The following TCF12 variants were observed in gnomAD, a reference collection of about 807,000 sequenced individuals.
The protein encoded by TCF12 is transcription factor 12.
In TCF12, 45 loss-of-function variants were observed where a neutral mutation model predicts 86.0. The ratio of observed to expected loss-of-function variants is 0.52; its 90% CI spans 0.41 to 0.67. The LOEUF is 0.67. Among genes scored for constraint, TCF12 ranks in the 30% least tolerant of loss-of-function variants. The pLI is 0.00. For synonymous variants in TCF12, 330 were observed against 299.6 expected (o/e 1.10, Z -1.05); for missense variants, 881 against 859.9 (o/e 1.02, Z -0.31).
intron 3 of TCF12, among the ~76,000 whole-genome samples, chr15:57,057,807 A>G (rs1464196082): frequency 6.6e-6 from 1 of 152,218 alleles, no homozygotes; most frequent in Admixed American, 6.5e-5. Flanking sequence ...GGAGACTATT[A>G]CAGTAATGCA....
chr15:57,172,841 C>G (rs139980047), intron 6 of TCF12, among the ~76,000 whole-genome samples: 2 of 152,022 alleles, frequency 1.3e-5, no homozygotes, highest in African/African-American at 2.4e-5. Context: ...TGACTCATGC[C>G]TGTAACCCCA....
At chr15:57,154,928 T>C (rs745911812) in intron 5 of TCF12, among the ~76,000 whole-genome samples, 4 of 152,166 alleles carry the variant, frequency 2.6e-5, no homozygotes, top group Non-Finnish European at 4.4e-5. Context: ...AAATAATAAC[T>C]AAAATTTAAT....
At chr15:57,033,255 T>C (rs2066312789) in intron 3 of TCF12, among the ~76,000 whole-genome samples, 1 of 152,162 alleles carries the variant, frequency 6.6e-6, no homozygotes, top group Admixed American at 6.5e-5. Context: ...TATATATATA[T>C]TTGAAGAAAT....
chr15:57,172,435 TA>T (rs1429200477), intron 6 of TCF12, among the ~76,000 whole-genome samples: 3 of 152,300 alleles, frequency 2.0e-5, no homozygotes, highest in African/African-American at 7.2e-5. Context: ...CTGAAGAACA[TA>T]AATTCCTTTC....
At chr15:57,016,123 G>A (rs368128878) in intron 3 of TCF12, among the ~76,000 whole-genome samples, 18 of 152,192 alleles carry the variant, frequency 1.2e-4, no homozygotes, top group African/African-American at 4.3e-4. Flanking sequence ...CTAGGATGGA[G>A]TCATCCGGTT....
chr15:57,223,434 C>A (rs2058695275), intron 8 of TCF12, among the ~76,000 whole-genome samples: 1 of 151,956 alleles, frequency 6.6e-6, no homozygotes, highest in Admixed American at 6.6e-5. Flanking sequence ...AGCACAAGGC[C>A]ACTCTTACAA....
chr15:57,123,208 A>G (rs985912734), intron 5 of TCF12, among the ~76,000 whole-genome samples: 5 of 152,228 alleles, frequency 3.3e-5, no homozygotes, highest in Non-Finnish European at 1.5e-5. Context: ...AAATGAAGTG[A>G]ATGAGCATGA....
chr15:57,247,718 A>G (rs2059928016), intron 13 of TCF12: 6 of 735,638 alleles, frequency 8.2e-6, no homozygotes, highest in Non-Finnish European at 1.5e-5. Context: ...CTCTATAGAA[A>G]GAGCTCTCTT....
intron 18 of TCF12, among the ~76,000 whole-genome samples, chr15:57,270,148 G>T (rs1267338813): frequency 3.3e-5 from 5 of 152,228 alleles, no homozygotes; most frequent in Non-Finnish European, 7.3e-5. Flanking sequence ...ATCCTGAAGA[G>T]TGTTTTCTAA....
chr15:57,264,134 T>C (rs1403629913), intron 18 of TCF12, among the ~76,000 whole-genome samples: 1 of 148,942 alleles, frequency 6.7e-6, no homozygotes, highest in Non-Finnish European at 1.5e-5. Context: ...AATAATAGCT[T>C]AAAACACAAA....
intron 4 of TCF12, among the ~76,000 whole-genome samples, chr15:57,087,107 C>T (rs1178066306): frequency 6.7e-6 from 1 of 149,648 alleles, no homozygotes; most frequent in Non-Finnish European, 1.5e-5. Context: ...CTCTCTCTCC[C>T]TCTCCCTCTC....
intron 13 of TCF12, chr15:57,247,552 CT>C (rs2059920469): frequency 9.8e-6 from 9 of 918,634 alleles, no homozygotes; most frequent in Non-Finnish European, 1.6e-5. Flanking sequence ...CAAATCCTGT[CT>C]TTTTTCCACT....
chr15:56,965,814 A>T (rs1164722950), intron 3 of TCF12, among the ~76,000 whole-genome samples: 1 of 152,168 alleles, frequency 6.6e-6, no homozygotes. Flanking sequence ...GTTATCCATG[A>T]TGGGAAATGG....
At chr15:57,129,145 A>G (rs970380977) in intron 5 of TCF12, among the ~76,000 whole-genome samples, 4 of 152,240 alleles carry the variant, frequency 2.6e-5, no homozygotes, top group African/African-American at 7.2e-5. Context: ...TTACAATCCC[A>G]TCAGCAACTT....
chr15:57,121,077 T>G (rs1263817563), intron 5 of TCF12, among the ~76,000 whole-genome samples: 1 of 152,226 alleles, frequency 6.6e-6, no homozygotes, highest in Non-Finnish European at 1.5e-5. Flanking sequence ...TATGGATATC[T>G]GTTTTTGAAA....
chr15:57,160,234 G>A (rs1351833366), intron 5 of TCF12, among the ~76,000 whole-genome samples: 1 of 152,186 alleles, frequency 6.6e-6, no homozygotes, highest in Non-Finnish European at 1.5e-5. Context: ...CAGCATGGCT[G>A]GAGAGGCCTC....
intron 8 of TCF12, among the ~76,000 whole-genome samples, chr15:57,209,210 C>T (rs2057999910): frequency 1.3e-5 from 2 of 152,160 alleles, no homozygotes; most frequent in Admixed American, 1.3e-4. Context: ...ATTGTTCAAA[C>T]CTTCAATATG....
chr15:57,276,479 G>A (rs1346126945), intron 19 of TCF12, among the ~76,000 whole-genome samples: 1 of 152,186 alleles, frequency 6.6e-6, no homozygotes, highest in African/African-American at 2.4e-5. Context: ...GAAAGTCGAT[G>A]GAATAGTGGT....
intron 5 of TCF12, among the ~76,000 whole-genome samples, chr15:57,153,307 C>T (rs978115231): frequency 6.6e-6 from 1 of 152,186 alleles, no homozygotes; most frequent in Admixed American, 6.5e-5. Flanking sequence ...CAGACAGTTT[C>T]TGTCACAACT....
Sources: gnomAD v4.1 joint callset for allele counts (sites outside exome capture counted in the v4.1 genomes callset) on GRCh38, gnomAD v4.1.1 for gene constraint, MANE v1.5 for transcripts, NCBI Gene and HGNC (gene_info 2026-07-23, HGNC 2026-07-21) for gene names.